AJAP1: variants seen among roughly 807,000 people sequenced by gnomAD.
AJAP1 encodes the protein adherens junction-associated protein 1.
In AJAP1, 5 loss-of-function variants were observed where a neutral mutation model predicts 35.0. The observed-to-expected ratio is 0.14, with a 90% CI of 0.07 to 0.30. The LOEUF is 0.30. AJAP1 is among the 10% of genes least tolerant of loss of function. The pLI, the probability that AJAP1 is intolerant of heterozygous loss-of-function variation, is 1.00. For missense variants in AJAP1, 586 were observed against 571.0 expected (o/e 1.03, Z -0.27); for synonymous variants, 284 against 249.3 (o/e 1.14, Z -1.31).
intron 2 of AJAP1, among the ~76,000 whole-genome samples, chr1:4,729,322 G>A (rs955324061): frequency 2.0e-5 from 3 of 152,084 alleles, no homozygotes; most frequent in Admixed American, 1.3e-4. Context: ...GTGCAGACCT[G>A]GGGCCTGGGG....
intron 1 of AJAP1, among the ~76,000 whole-genome samples, chr1:4,687,044 C>T (rs545755786): frequency 5.4e-4 from 83 of 152,348 alleles, no homozygotes; most frequent in Non-Finnish European, 9.7e-4. Context: ...AAGGCCATGT[C>T]CTCACCACGG....
chr1:4,723,343 T>C lies in AJAP1; in HGVS notation c.829+10644T>C, dbSNP rs924771554. Among the ~76,000 whole-genome samples the C allele has an allele frequency of 2.0e-5, 3 of 152,062 alleles. No homozygotes were observed. The highest frequency in any genetic ancestry group is 4.4e-5 in the Non-Finnish European group (3 of 68,032). On this transcript the variant is annotated intron_variant, in intron 2 of 5. Transcript: ENST00000378191. The surrounding 1 kb of genome is among the most constrained non-coding windows in gnomAD (Gnocchi z 4.3). Reference sequence around the variant, plus strand: ...CCTGAGTCTGCCACTCGGGGGCTGGTGCAGCCCGGAGTAGAAGCTCAGCGG... The same window carrying C: ...CCTGAGTCTGCCACTCGGGGGCTGGCGCAGCCCGGAGTAGAAGCTCAGCGG...
At chr1:4,759,849 G>A (rs751920547) in intron 2 of AJAP1, among the ~76,000 whole-genome samples, 2 of 152,100 alleles carry the variant, frequency 1.3e-5, no homozygotes, top group Admixed American at 6.5e-5. Flanking sequence ...GGACTCTGCT[G>A]CTAACACGCA....
In AJAP1 at chr1:4,774,565, A is replaced by T; in HGVS notation, c.*59+7A>T. Reference sequence around the variant, plus strand: ...GCCGTGTGTCTGTTTCACGGTAGGTACCTCTCTTTGGACATTCCTGTTTTC... The same window carrying T: ...GCCGTGTGTCTGTTTCACGGTAGGTTCCTCTCTTTGGACATTCCTGTTTTC... On this transcript the variant is annotated splice_region_variant and intron_variant, in intron 5 of 5. Transcript: ENST00000378191. The T allele has an allele frequency of 1.3e-6, 2 of 1,492,320 alleles. No individual in the cohort carries two copies. The highest frequency in any genetic ancestry group is 1.9e-6 in the Non-Finnish European group (2 of 1,072,846). 92.4% of individuals were successfully genotyped at this position (1,492,320 alleles called of 1,614,324 possible).
In AJAP1 at chr1:4,656,728, A is replaced by G. The variant is rs1484855437; in HGVS notation, c.29+1274A>G. Among the ~76,000 whole-genome samples the G allele has an allele frequency of 6.6e-6, 1 of 152,170 alleles. No individual in the cohort carries two copies. Among genetic ancestry groups the G allele is most frequent in the Non-Finnish European group, 1.5e-5 (1 of 68,026 alleles). On this transcript the variant is annotated intron_variant, in intron 1 of 5. Transcript: ENST00000378191. This position sits in a 1 kb window ranked among gnomAD's most constrained non-coding sequence, Gnocchi z 5.7. Reference sequence around the variant, plus strand: ...GTGAACATTGTCAGATGTTATTATTAGCATCCCTTCTCTCAGTGGCCGATC... The same window carrying G: ...GTGAACATTGTCAGATGTTATTATTGGCATCCCTTCTCTCAGTGGCCGATC...
At chr1:4,735,275 G>A (rs963757642) in intron 2 of AJAP1, among the ~76,000 whole-genome samples, 28 of 152,186 alleles carry the variant, frequency 1.8e-4, no homozygotes, top group Non-Finnish European at 3.7e-4. Context: ...CTTTTCTTCC[G>A]TGACACTCAC....
At chr1:4,660,000 G>A (rs566693180) in intron 1 of AJAP1, among the ~76,000 whole-genome samples, 2 of 152,330 alleles carry the variant, frequency 1.3e-5, no homozygotes, top group African/African-American at 4.8e-5. Flanking sequence ...AAATACAACT[G>A]CAAAGCTGCC....
intron 1 of AJAP1, among the ~76,000 whole-genome samples, chr1:4,694,014 G>C (rs140917253): frequency 6.6e-6 from 1 of 152,342 alleles, no homozygotes; most frequent in African/African-American, 2.4e-5. Flanking sequence ...AGGCAGGTGG[G>C]GTAGGGTGAG....
chr1:4,697,194 G>C (rs1326924508), intron 1 of AJAP1, among the ~76,000 whole-genome samples: 2 of 152,200 alleles, frequency 1.3e-5, no homozygotes, highest in African/African-American at 4.8e-5. Context: ...CTGTATGTGT[G>C]CACCTGTGTT....
Position 4,780,633 on chromosome 1 carries a change from CT to C in AJAP1, c.*60-1898del, listed in dbSNP as rs35738488. ...TCTTTTTTCTTTTCTTTCTTTCTTT[CT>C]TTTTTTTTTTTTTGTGGGACACAGC... On this transcript the variant is annotated intron_variant, in intron 5 of 5. Coordinates refer to ENST00000378191, the MANE Select transcript of AJAP1 (RefSeq NM_018836.4). Among the ~76,000 whole-genome samples, 162 of 131,410 alleles carry C rather than the reference CT, an allele frequency of 1.2e-3. 1 individual carries two copies. Among genetic ancestry groups the C allele is most frequent in the East Asian group, 0.012 (54 of 4,564 alleles). 86.2% of individuals were successfully genotyped at this position (131,410 alleles called of 152,430 possible).
At chr1:4,711,156 T>G (rs1370953185) in intron 1 of AJAP1, 1 of 152,274 alleles carries the variant, frequency 6.6e-6, no homozygotes. Flanking sequence ...CAGATCTCAT[T>G]TCCCTGAGTA....
At position 4,788,051 on chromosome 1, in the gene AJAP1, A is replaced by G. The variant is rs1480834036; in HGVS notation, c.*5566A>G. On this transcript the variant is annotated 3_prime_UTR_variant, in exon 6 of 6. Transcript: ENST00000378191. ...ATAGCACAGCCCACATAAATGAGCG[A>G]AACTCATCATCTGAGGATCTTTGAT... 3.8e-6 allele frequency: 1 copy of G among 261,136 alleles called. No homozygotes were observed. The highest frequency in any genetic ancestry group is 1.3e-4 in the East Asian group (1 of 7,480). 16.2% of individuals were successfully genotyped at this position (261,136 alleles called of 1,614,324 possible).
Position 4,691,644 on chromosome 1 carries a change from C to T in AJAP1, c.30-20256C>T, listed in dbSNP as rs193298853. Among the ~76,000 whole-genome samples the T allele has an allele frequency of 1.1e-4, 16 of 152,232 alleles. No homozygotes were observed. In the East Asian group the frequency reaches 1.4e-3, roughly 13 times the overall value. ...CCGGGCAGACACTGGTGCTTGCCAT[C>T]GGATGGCAAAAGCGACCCACCCGCT... On this transcript the variant is annotated intron_variant, in intron 1 of 5. Coordinates refer to ENST00000378191, the MANE Select transcript of AJAP1 (RefSeq NM_018836.4).
chr1:4,736,899 T>C (rs1401720668), intron 2 of AJAP1, among the ~76,000 whole-genome samples: 1 of 152,116 alleles, frequency 6.6e-6, no homozygotes, highest in Non-Finnish European at 1.5e-5. Flanking sequence ...GACATGGGTC[T>C]CCAGGGCTGA....
In AJAP1 at chr1:4,774,921, C is replaced by A. The variant is rs140340895; in HGVS notation, c.*59+363C>A. On this transcript the variant is annotated intron_variant, in intron 5 of 5. Coordinates refer to ENST00000378191, the MANE Select transcript of AJAP1 (RefSeq NM_018836.4). ...CAAGCGACAATTACAGCTCTCATTT[C>A]CCACAACAGGAGGAGATTAGGACAG... Among the ~76,000 whole-genome samples, 568 of 152,242 alleles carry A rather than the reference C, an allele frequency of 3.7e-3. 1 individual carries two copies. The highest frequency in any genetic ancestry group is 0.013 in the African/African-American group (549 of 41,526).
chr1:4,743,529 T>C (rs1161490713), intron 2 of AJAP1, among the ~76,000 whole-genome samples: 1 of 152,198 alleles, frequency 6.6e-6, no homozygotes. Context: ...AATGCGTATG[T>C]GTCCGCGTTC....
At chr1:4,694,206 G>T (rs1459845241) in intron 1 of AJAP1, among the ~76,000 whole-genome samples, 1 of 152,182 alleles carries the variant, frequency 6.6e-6, no homozygotes, top group African/African-American at 2.4e-5. Flanking sequence ...CATGCCCTCA[G>T]CTCCTTTGCC....
intron 2 of AJAP1, among the ~76,000 whole-genome samples, chr1:4,754,921 T>C (rs1391296099): frequency 6.6e-6 from 1 of 152,180 alleles, no homozygotes; most frequent in Non-Finnish European, 1.5e-5. Context: ...GGGCCTTTCA[T>C]GTCCTGACTT....
At chr1:4,772,576 T>C in intron 4 of AJAP1, 51 bp downstream of exon 4, 1 of 1,598,252 alleles carries the variant, frequency 6.3e-7, no homozygotes, top group Non-Finnish European at 8.6e-7. Context: ...TTGGTGCTCC[T>C]GACCCCCGGG....
Sources: gnomAD v4.1 joint callset for allele counts (sites outside exome capture counted in the v4.1 genomes callset) on GRCh38, gnomAD v4.1.1 for gene constraint, Gnocchi (gnomAD v3.1) non-coding constraint, MANE v1.5 for transcripts, NCBI Gene and HGNC (gene_info 2026-07-23, HGNC 2026-07-21) for gene names.